Variants in RPL13 observed in about 807,000 individuals in gnomAD.
RPL13 encodes ribosomal protein L13.
In RPL13, 1 loss-of-function variant was observed where a neutral mutation model predicts 21.4. That is an observed-to-expected ratio of 0.05 (90% CI 0.02 to 0.22). RPL13 has a LOEUF of 0.22. Among genes scored for constraint, RPL13 ranks in the 10% least tolerant of loss-of-function variants. The pLI, the probability that RPL13 is intolerant of heterozygous loss-of-function variation, is 1.00. For synonymous variants in RPL13, 143 were observed against 120.5 expected (o/e 1.19, Z -1.23); for missense variants, 289 against 303.0 (o/e 0.95, Z 0.34).
intron 4 of RPL13, chr16:89,562,010 T>C: frequency 1.0e-5 from 6 of 589,798 alleles, no homozygotes; most frequent in Non-Finnish European, 1.5e-5. Context: ...TCCAAAATAT[T>C]TCTAGAAAGA....
chr16:89,560,927 C>T lies in RPL13; in HGVS notation c.-20-13C>T, dbSNP rs766584234. On this transcript the variant is annotated splice_polypyrimidine_tract_variant and intron_variant, in intron 1 of 5. Transcript: ENST00000311528. Reference sequence around the variant, plus strand: ...GGGGTCCGGCCTCTCACTCGCTCCCCTCTCGTCCGCAGCCGCAGGGCCGTA... The same window carrying T: ...GGGGTCCGGCCTCTCACTCGCTCCCTTCTCGTCCGCAGCCGCAGGGCCGTA... 9.5e-6 allele frequency: 15 copies of T among 1,577,848 alleles called. No homozygotes were observed. The highest frequency in any genetic ancestry group is 5.3e-5 in the Admixed American group (3 of 56,626).
chr16:89,560,722 A>G lies in RPL13; in HGVS notation c.-21+10A>G. ...TTTTCCTGCGCAGGAGGTGAGGGAG[A>G]CTGGGTCCTGGCCTTTGGGCATCAT... On this transcript the variant is annotated intron_variant, in intron 1 of 5. Transcript: ENST00000311528. 2.2e-6 allele frequency: 1 copy of G among 464,698 alleles called. No individual in the cohort carries two copies. 28.8% of individuals were successfully genotyped at this position (464,698 alleles called of 1,614,324 possible).
At chr16:89,562,442 AC>A (rs2058752334) in intron 5 of RPL13, 51 bp downstream of exon 5, 2 of 1,564,762 alleles carry the variant, frequency 1.3e-6, no homozygotes, top group Non-Finnish European at 1.7e-6. Flanking sequence ...CAGTGGGTGA[AC>A]ACGTGGGTAT....
intron 4 of RPL13, 117 bp from the exon 5 acceptor site, chr16:89,562,218 A>T (rs770586042): frequency 3.7e-5 from 33 of 894,322 alleles, no homozygotes; most frequent in Non-Finnish European, 5.7e-5. Flanking sequence ...GTTGTAGAAA[A>T]GGCTCAGACA....
Position 89,561,591 on chromosome 16 carries a change from A to G in RPL13, c.260A>G (p.His87Arg). 1 of 1,613,496 alleles carries G rather than the reference A, an allele frequency of 6.2e-7. No individual in the cohort carries two copies. Among genetic ancestry groups the G allele is most frequent in the Non-Finnish European group, 8.5e-7 (1 of 1,180,028 alleles). ...GTTCTGGGGCAGGTGGCCGGCATTCACAAGAAGGTGGCCCGGACCATCGGC... is the reference window on the plus strand; with the variant it reads ...GTTCTGGGGCAGGTGGCCGGCATTCGCAAGAAGGTGGCCCGGACCATCGGC... ...SLEELRVAGI[H>R]KKVARTIGIS... Residue 87 changes from histidine to arginine, a missense_variant, in exon 4 of 6, where the codon CAC becomes CGC. Physicochemically the swap from His to Arg is conservative, Grantham distance 29. Coordinates refer to ENST00000311528, the MANE Select transcript of RPL13 (RefSeq NM_000977.4).
rs141550848 is a variant in RPL13, at chr16:89,561,347, C to T, written c.225C>T (p.Gly75=). 6 of 1,604,674 alleles carry T rather than the reference C, an allele frequency of 3.7e-6. No homozygotes were observed. The highest frequency in any genetic ancestry group is 1.1e-5 in the South Asian group (1 of 90,760). Residue 75 remains glycine, a synonymous_variant, in exon 3 of 6, where the codon GGC becomes GGT. Transcript: ENST00000311528. The part of the protein sequence containing the change: ...RYHTKVRAGR[G]FSLEELRVAG... ...ACACGAAGGTGCGCGCCGGCCGCGG[C>T]TTCAGCCTGGAGGAGCTCAGGGTGA...
intron 5 of RPL13, chr16:89,562,644 T>C (rs1459317040): frequency 3.5e-6 from 2 of 574,422 alleles, no homozygotes; most frequent in Non-Finnish European, 6.0e-6. Context: ...CTATGCTGCT[T>C]ACATTGGTTT....
At chr16:89,562,460 T>G in intron 5 of RPL13, 69 bp downstream of exon 5, 1 of 1,469,720 alleles carries the variant, frequency 6.8e-7, no homozygotes, top group Non-Finnish European at 9.3e-7. Flanking sequence ...GTATCTGAGA[T>G]GCGGGTGATG....
intron 4 of RPL13, chr16:89,562,029 G>A (rs758873232): frequency 6.6e-5 from 39 of 588,932 alleles, no homozygotes; most frequent in Admixed American, 4.3e-4. Flanking sequence ...GACCTTGTAG[G>A]ATAAGGTTGA....
intron 2 of RPL13, 31 bp downstream of exon 2, chr16:89,561,094 G>A (rs762277388): frequency 6.3e-7 from 1 of 1,576,620 alleles, no homozygotes; most frequent in Non-Finnish European, 8.6e-7. Flanking sequence ...TGCCCCTGGG[G>A]CTCGTGCCCG....
At chr16:89,562,280 G>A in intron 4 of RPL13, 55 bp from the exon 5 acceptor site, 2 of 1,563,516 alleles carry the variant, frequency 1.3e-6, no homozygotes, top group Admixed American at 1.7e-5. Context: ...AGGTGAGGGT[G>A]GAGTCCTTGC....
downstream of RPL13, chr16:89,566,014 G>C (rs1567944154): frequency 6.6e-6 from 1 of 152,270 alleles, no homozygotes; most frequent in Non-Finnish European, 1.5e-5. Flanking sequence ...GATTCCTTCG[G>C]GGTGTGAGCA....
chr16:89,563,779 C>T lies in RPL13; in HGVS notation c.*737C>T, dbSNP rs986711321. 1 of 152,078 alleles carries T rather than the reference C, an allele frequency of 6.6e-6. No homozygotes were observed. Among genetic ancestry groups the T allele is most frequent in the Non-Finnish European group, 1.5e-5 (1 of 68,044 alleles). 9.4% of individuals were successfully genotyped at this position (152,078 alleles called of 1,614,324 possible). A position where few individuals can be genotyped will look rare whatever the true frequency, so the allele number is the denominator to read the frequency against. ...TTTCTAGTTAATGTAGCATCTTGGA[C>T]TTTGGGGCGTCATTCTTAAGCTTGT... is the stretch of plus-strand genomic sequence containing the variant. On this transcript the variant is annotated 3_prime_UTR_variant, in exon 6 of 6. Transcript: ENST00000311528.
At chr16:89,565,097 TCA>T (rs1362498604), downstream of RPL13, 4 of 152,312 alleles carry the variant, frequency 2.6e-5, no homozygotes, top group East Asian at 1.9e-4. Flanking sequence ...TCACTGAAAG[TCA>T]CAGTCTCCAG....
chr16:89,561,107 G>C, intron 2 of RPL13, 44 bp downstream of exon 2: 1 of 1,560,954 alleles, frequency 6.4e-7, no homozygotes, highest in East Asian at 2.4e-5. Flanking sequence ...CGTGCCCGCG[G>C]CTGCGCCTTG....
Position 89,563,146 on chromosome 16 carries a change from T to G in RPL13, c.*104T>G. On this transcript the variant is annotated 3_prime_UTR_variant, in exon 6 of 6. Transcript: ENST00000311528. ...TGGGATGGGGCTTCACTGCTGTGAC[T>G]TCCTCCTGCCAGGGGATTTGGGGCT... 2 of 1,132,154 alleles carry G rather than the reference T, an allele frequency of 1.8e-6. No individual in the cohort carries two copies. The allele number at this position is 1,132,154 out of a possible 1,614,324, so 70.1% of individuals were successfully genotyped here.
chr16:89,563,881 T>G lies in RPL13; in HGVS notation c.*839T>G, dbSNP rs890829966. 7.9e-5 allele frequency: 12 copies of G among 152,344 alleles called. No homozygotes were observed. Among genetic ancestry groups the G allele is most frequent in the African/African-American group, 2.9e-4 (12 of 41,576 alleles). The allele number at this position is 152,344 out of a possible 1,614,324, so 9.4% of individuals were successfully genotyped here. A position where few individuals can be genotyped will look rare whatever the true frequency, so the allele number is the denominator to read the frequency against. ...GCTTCTTCACCCAGACACCAAGGTA[T>G]GAGATGGCCCTGCCAAGTGTCGGCC... On this transcript the variant is annotated 3_prime_UTR_variant, in exon 6 of 6. Transcript: ENST00000311528.
In RPL13 at chr16:89,564,243, T is replaced by C. The variant is rs1183610127; in HGVS notation, c.*1201T>C. The C allele has an allele frequency of 1.3e-5, 2 of 152,238 alleles. No individual in the cohort carries two copies. The highest frequency in any genetic ancestry group is 1.3e-4 in the Admixed American group (2 of 15,280). The allele number at this position is 152,238 out of a possible 1,614,324, so 9.4% of individuals were successfully genotyped here. ...CTGGCGTGGAAATAGGTGATGCTGC[T>C]ACCTCTGCTGCTGCACTCACAGCCA... is the stretch of plus-strand genomic sequence containing the variant. On this transcript the variant is annotated 3_prime_UTR_variant, in exon 6 of 6. Transcript: ENST00000311528.
chr16:89,560,971 C>T lies in RPL13; in HGVS notation c.12C>T (p.Ser4=). 6.2e-7 allele frequency: 1 copy of T among 1,604,446 alleles called. No homozygotes were observed. Residue 4 remains serine (S), a synonymous_variant, in exon 2 of 6, where the codon AGC becomes AGT. Transcript: ENST00000311528. ...GGCCGTAGGCAGCCATGGCGCCCAG[C>T]CGGAATGGCATGGTCTTGAAGCCCC... MAP[S]RNGMVLKPHF...
Sources: gnomAD v4.1 joint callset for allele counts on GRCh38, gnomAD v4.1.1 for gene constraint, MANE v1.5 for transcripts, NCBI Gene and HGNC (gene_info 2026-07-23, HGNC 2026-07-21) for gene names.